Variants in ITIH5 observed in about 807,000 individuals in gnomAD.
The protein encoded by ITIH5 is inter-alpha-trypsin inhibitor heavy chain H5.
Under a neutral mutation model 77.5 loss-of-function variants are expected in ITIH5, and 65 were observed. The observed-to-expected ratio is 0.84, with a 90% CI of 0.69 to 1.03. The LOEUF is 1.03. ITIH5 is among the 50% of genes least tolerant of loss of function. ITIH5 has a pLI of 0.00. For synonymous variants in ITIH5, 525 were observed against 494.3 expected, an observed-to-expected ratio of 1.06 and a Z score of -0.82; for missense variants, 1,208 against 1,213.1, an observed-to-expected ratio of 1.00 and a Z score of 0.06.
At chr10:7,628,153 T>C (rs1213246933) in intron 5 of ITIH5, among the ~76,000 whole-genome samples, 1 of 152,162 alleles carries the variant, frequency 6.6e-6, no homozygotes, top group Non-Finnish European at 1.5e-5. Context: ...AATTAACCAT[T>C]TTTAGGTATA....
intron 5 of ITIH5, among the ~76,000 whole-genome samples, chr10:7,628,872 CGTGTTGT>C (rs1833643878): frequency 7.4e-6 from 1 of 135,722 alleles, no homozygotes; most frequent in African/African-American, 2.7e-5. Flanking sequence ...AGCGTGTGTC[CGTGTTGT>C]AGCGTGTGTC....
chr10:7,569,839 C>T, intron 11 of ITIH5, 55 bp from the exon 12 acceptor site: 2 of 1,026,582 alleles, frequency 1.9e-6, no homozygotes, highest in Non-Finnish European at 2.9e-6. Flanking sequence ...TCAGTACCTT[C>T]CTTGTGTAGG....
intron 2 of ITIH5, among the ~76,000 whole-genome samples, chr10:7,648,484 A>G (rs968962992): frequency 6.6e-6 from 1 of 152,250 alleles, no homozygotes; most frequent in African/African-American, 2.4e-5. Flanking sequence ...TGACACTTCA[A>G]AAATTCTTCT....
intron 2 of ITIH5, among the ~76,000 whole-genome samples, chr10:7,652,876 A>G (rs1049219759): frequency 5.3e-5 from 8 of 152,192 alleles, no homozygotes; most frequent in Non-Finnish European, 7.3e-5. Context: ...AACACAATAG[A>G]AAGATGGGCA....
chr10:7,656,746 CT>C (rs34745417), intron 1 of ITIH5, among the ~76,000 whole-genome samples: 63,746 of 112,498 alleles, frequency 0.57, 15,919 homozygotes, highest in Admixed American at 0.62. Context: ...GTCTATTTTT[CT>C]TTTTTTTTTT....
At chr10:7,570,078 A>AC in intron 11 of ITIH5, 1 of 224,732 alleles carries the variant, frequency 4.4e-6, no homozygotes, top group Admixed American at 5.5e-5. Context: ...GAGAGGTGAG[A>AC]GGAGAAGGAA....
chr10:7,573,104 T>TA (rs762840674), intron 11 of ITIH5, 38 bp downstream of exon 11: 1 of 1,589,718 alleles, frequency 6.3e-7, no homozygotes, highest in South Asian at 1.1e-5. Context: ...AAACATCTCT[T>TA]ACTCTCAATC....
intron 2 of ITIH5, among the ~76,000 whole-genome samples, chr10:7,654,208 T>G (rs1361927130): frequency 2.6e-5 from 4 of 152,196 alleles, no homozygotes; most frequent in Admixed American, 2.0e-4. Flanking sequence ...AGAGCAATGA[T>G]CAGAGGTCTC....
chr10:7,565,849 G>T (rs1832141801), intron 13 of ITIH5, among the ~76,000 whole-genome samples, 181 bp downstream of exon 13: 1 of 150,270 alleles, frequency 6.7e-6, no homozygotes, highest in South Asian at 2.1e-4. Context: ...ATGTATATAT[G>T]TATAGACTAT....
intron 10 of ITIH5, among the ~76,000 whole-genome samples, chr10:7,574,503 C>CA (rs1338361428): frequency 1.3e-5 from 2 of 151,928 alleles, no homozygotes; most frequent in African/African-American, 4.8e-5. Flanking sequence ...AAACAAAAAA[C>CA]AAAAAACCGG....
At chr10:7,608,846 A>G (rs901558760) in intron 7 of ITIH5, among the ~76,000 whole-genome samples, 8 of 152,232 alleles carry the variant, frequency 5.3e-5, no homozygotes, top group Non-Finnish European at 1.2e-4. Context: ...AATTCTACGA[A>G]TCAAAGCAGA....
chr10:7,628,717 T>TAGCGTGTGTCCATGTTGC (rs1209535810), intron 5 of ITIH5, among the ~76,000 whole-genome samples: 13 of 132,986 alleles, frequency 9.8e-5, no homozygotes, highest in South Asian at 7.0e-4. Flanking sequence ...GTCCATGTTG[T>TAGCGTGTGTCCATGTTGC]AGCGTGTGTC....
At chr10:7,629,573 C>T (rs2131061639) in intron 5 of ITIH5, among the ~76,000 whole-genome samples, 2 of 128,318 alleles carry the variant, frequency 1.6e-5, no homozygotes, top group East Asian at 4.3e-4. Flanking sequence ...TCATATGTAT[C>T]TGTGTTTTCG....
intron 11 of ITIH5, chr10:7,572,025 A>G (rs542912450): frequency 2.0e-6 from 2 of 1,010,782 alleles, no homozygotes; most frequent in African/African-American, 3.4e-5. Flanking sequence ...AAGGAAAGAT[A>G]GTGCTTGCTC....
At chr10:7,595,114 G>A (rs1187835975) in intron 7 of ITIH5, among the ~76,000 whole-genome samples, 2 of 152,194 alleles carry the variant, frequency 1.3e-5, no homozygotes, top group Non-Finnish European at 2.9e-5. Context: ...AGCTATTCAG[G>A]AGGCTGAGGC....
In ITIH5 at chr10:7,579,889, T is replaced by C. The variant is rs1474892814; in HGVS notation, c.1284A>G (p.Arg428=). The C allele has an allele frequency of 1.2e-6, 2 of 1,614,200 alleles. No homozygotes were observed. The highest frequency in any genetic ancestry group is 1.1e-5 in the South Asian group (1 of 91,082). ...CAATGGTGAAGATGCAGACTTGGCC[T>C]CGGGCGGCCTCTCGGGTGTTGTTGA... is the stretch of plus-strand genomic sequence containing the variant. ...KILNNTREAA[R]GQVCIFTIGI... is the part of the protein sequence containing the mutation. Residue 428 remains arginine (R), a synonymous_variant, in exon 9 of 14, where the codon CGA becomes CGG. Transcript: ENST00000397146.
At chr10:7,654,303 C>A (rs1288355091) in intron 2 of ITIH5, among the ~76,000 whole-genome samples, 4 of 152,228 alleles carry the variant, frequency 2.6e-5, no homozygotes, top group African/African-American at 7.2e-5. Flanking sequence ...AGTATGCTTA[C>A]AATTTACATG....
At chr10:7,664,376 G>T (rs1214514556) in intron 1 of ITIH5, among the ~76,000 whole-genome samples, 1 of 149,754 alleles carries the variant, frequency 6.7e-6, no homozygotes, top group Non-Finnish European at 1.5e-5. Flanking sequence ...CTCCAGCCTG[G>T]GCGACACAGC....
intron 7 of ITIH5, among the ~76,000 whole-genome samples, chr10:7,587,944 C>T (rs1478969154): frequency 1.3e-5 from 2 of 152,178 alleles, no homozygotes; most frequent in Non-Finnish European, 2.9e-5. Flanking sequence ...GTATCCTTTC[C>T]CTCTGGAATT....
Sources: allele counts gnomAD v4.1 joint callset (sites outside exome capture counted in the v4.1 genomes callset), GRCh38; gene constraint gnomAD v4.1.1; transcripts MANE v1.5; gene names NCBI Gene and HGNC (gene_info 2026-07-23, HGNC 2026-07-21).